Variants in PAX5 observed in about 807,000 individuals in gnomAD.
PAX5 encodes paired box protein Pax-5.
PAX5 carries 9 observed loss-of-function variants against 43.7 expected under a neutral mutation model. The ratio of observed to expected loss-of-function variants is 0.21; its 90% CI spans 0.12 to 0.36. The LOEUF is 0.36. Ranked by LOEUF, PAX5 falls within the 10% of genes least tolerant of loss-of-function variation. PAX5 has a pLI of 1.00. For synonymous variants in PAX5, 228 were observed against 214.3 expected, an observed-to-expected ratio of 1.06 and a Z score of -0.56; for missense variants, 383 against 532.7, an observed-to-expected ratio of 0.72 and a Z score of 2.77.
intron 7 of PAX5, among the ~76,000 whole-genome samples, chr9:36,916,367 A>C (rs1402205490): frequency 6.6e-6 from 1 of 152,190 alleles, no homozygotes; most frequent in African/African-American, 2.4e-5. Flanking sequence ...ATATTTTAAA[A>C]TATGCTAAGA....
chr9:36,942,896 G>A (rs547022918), intron 6 of PAX5, among the ~76,000 whole-genome samples: 4 of 152,194 alleles, frequency 2.6e-5, no homozygotes, highest in African/African-American at 9.7e-5. Context: ...GCCGGGCAAC[G>A]GCCTTCAGCA....
intron 8 of PAX5, among the ~76,000 whole-genome samples, chr9:36,881,598 C>T (rs1337092390): frequency 6.6e-6 from 1 of 151,766 alleles, no homozygotes; most frequent in Non-Finnish European, 1.5e-5. Context: ...GAGGCCACCG[C>T]GAGCACCTCA....
intron 8 of PAX5, among the ~76,000 whole-genome samples, chr9:36,847,451 G>A (rs939215757): frequency 5.3e-5 from 8 of 152,192 alleles, no homozygotes; most frequent in African/African-American, 1.9e-4. Flanking sequence ...TCTGTGCTGT[G>A]AAGGCAGGGG....
chr9:36,894,976 G>A (rs1020722067), intron 7 of PAX5, among the ~76,000 whole-genome samples: 1 of 152,244 alleles, frequency 6.6e-6, no homozygotes, highest in African/African-American at 2.4e-5. Context: ...GTCTAAGGGA[G>A]GAGGAAGGGG....
intron 6 of PAX5, among the ~76,000 whole-genome samples, chr9:36,942,375 C>T (rs939943290): frequency 1.4e-4 from 21 of 152,256 alleles, no homozygotes; most frequent in African/African-American, 5.1e-4. Flanking sequence ...ATTTCCCTGG[C>T]TTACACTTGC....
intron 6 of PAX5, among the ~76,000 whole-genome samples, chr9:36,929,342 G>T (rs568769719): frequency 3.3e-5 from 5 of 152,228 alleles, no homozygotes; most frequent in Admixed American, 3.3e-4. Flanking sequence ...AGGAATTCCT[G>T]GTGCCTCTTT....
chr9:37,020,153 C>T (rs113300279), intron 2 of PAX5, among the ~76,000 whole-genome samples: 62 of 150,330 alleles, frequency 4.1e-4, no homozygotes, highest in African/African-American at 1.5e-3. Context: ...CTTGTCACTG[C>T]GATGGAAATA....
intron 6 of PAX5, among the ~76,000 whole-genome samples, chr9:36,959,536 G>T (rs1833774657): frequency 6.6e-6 from 1 of 152,214 alleles, no homozygotes; most frequent in Non-Finnish European, 1.5e-5. Context: ...CAAAGGAGGA[G>T]CTTGGCCCTG....
intron 3 of PAX5, among the ~76,000 whole-genome samples, chr9:37,014,507 G>A (rs896284444): frequency 3.3e-5 from 5 of 152,310 alleles, no homozygotes; most frequent in South Asian, 2.1e-4. Flanking sequence ...GGAACAAGGA[G>A]CCAAGTCTCC....
chr9:36,959,572 AG>A (rs1833779870), intron 6 of PAX5, among the ~76,000 whole-genome samples: 1 of 152,242 alleles, frequency 6.6e-6, no homozygotes, highest in African/African-American at 2.4e-5. Context: ...GGAGAGAGGC[AG>A]GGTGAGAGGA....
chr9:37,005,271 A>C (rs1470921350), intron 4 of PAX5, among the ~76,000 whole-genome samples: 1 of 152,110 alleles, frequency 6.6e-6, no homozygotes, highest in Non-Finnish European at 1.5e-5. Flanking sequence ...TCTTCATTAT[A>C]TTCCCCCTTT....
chr9:37,029,582 T>C (rs1273547131), intron 1 of PAX5, among the ~76,000 whole-genome samples: 2 of 152,296 alleles, frequency 1.3e-5, no homozygotes, highest in Non-Finnish European at 2.9e-5. Context: ...TGGGATGGAA[T>C]AGACTTCCTG....
At chr9:36,890,116 A>G (rs774038381) in intron 7 of PAX5, among the ~76,000 whole-genome samples, 1 of 152,168 alleles carries the variant, frequency 6.6e-6, no homozygotes, top group Non-Finnish European at 1.5e-5. Flanking sequence ...CCCTTGCAGA[A>G]TTCATTACCC....
At chr9:36,935,034 C>T (rs370836204) in intron 6 of PAX5, among the ~76,000 whole-genome samples, 1 of 152,210 alleles carries the variant, frequency 6.6e-6, no homozygotes, top group African/African-American at 2.4e-5. Flanking sequence ...ATGGGCCAAA[C>T]ACGCTCTTTA....
chr9:36,981,195 CCT>C (rs1491319752), intron 5 of PAX5, among the ~76,000 whole-genome samples: 10,804 of 145,040 alleles, frequency 0.074, 519 homozygotes, highest in African/African-American at 0.11. Flanking sequence ...GCCCCCCCCC[CCT>C]CAGCCCTGCT....
At chr9:36,948,238 A>G (rs1402897550) in intron 6 of PAX5, among the ~76,000 whole-genome samples, 1 of 152,182 alleles carries the variant, frequency 6.6e-6, no homozygotes, top group Non-Finnish European at 1.5e-5. Context: ...CCGCCTTGCC[A>G]TGTGGCCAGC....
At chr9:36,966,101 G>T (rs760503973) in intron 6 of PAX5, among the ~76,000 whole-genome samples, 1 of 152,164 alleles carries the variant, frequency 6.6e-6, no homozygotes, top group African/African-American at 2.4e-5. Flanking sequence ...CTGGTGAGAG[G>T]GCAGACAGTG....
chr9:36,950,804 A>G (rs1464740179), intron 6 of PAX5, among the ~76,000 whole-genome samples: 1 of 144,244 alleles, frequency 6.9e-6, no homozygotes, highest in East Asian at 2.0e-4. Flanking sequence ...GCAATGCTGC[A>G]ATCTTGGCTC....
intron 8 of PAX5, among the ~76,000 whole-genome samples, chr9:36,881,764 A>C (rs1266255597): frequency 6.6e-6 from 1 of 151,910 alleles, no homozygotes; most frequent in Non-Finnish European, 1.5e-5. Context: ...GTGGCCAACA[A>C]GGCCTGTTTG....
Sources: allele counts gnomAD v4.1 joint callset (sites outside exome capture counted in the v4.1 genomes callset), GRCh38; gene constraint gnomAD v4.1.1; transcripts MANE v1.5; gene names NCBI Gene and HGNC (gene_info 2026-07-23, HGNC 2026-07-21).